SPSB4: variants seen among roughly 807,000 people sequenced by gnomAD.
The protein encoded by SPSB4 is splA/ryanodine receptor domain and SOCS box containing 4.
In SPSB4, 21 loss-of-function variants were observed where a neutral mutation model predicts 20.9. The ratio of observed to expected loss-of-function variants is 1.01; its 90% CI spans 0.71 to 1.45. The LOEUF is 1.45. Ranked by LOEUF, SPSB4 falls within the 40% of genes most tolerant of loss-of-function variation. SPSB4 has a pLI of 0.00. For missense variants in SPSB4, 399 were observed against 399.2 expected (o/e 1.00, Z 0.00); for synonymous variants, 207 against 183.8 (o/e 1.13, Z -1.02).
intron 2 of SPSB4, among the ~76,000 whole-genome samples, chr3:141,087,639 G>C (rs1037665804): frequency 1.3e-4 from 20 of 152,226 alleles, no homozygotes; most frequent in African/African-American, 4.6e-4. Context: ...AACAGCCTCG[G>C]AAGGTCAAGT....
In SPSB4 at chr3:141,132,975, G is replaced by T. The variant is rs146712387; in HGVS notation, c.695-14167G>T. 9.6e-3 allele frequency among the ~76,000 whole-genome samples: 1,452 copies of T among 151,994 alleles called. 27 individuals are homozygous for T. The highest frequency in any genetic ancestry group is 0.034 in the African/African-American group (1,393 of 41,490). On this transcript the variant is annotated intron_variant, in intron 2 of 2. Transcript: ENST00000310546. ...ACACAAACATCTGCTATTTTTTGAC[G>T]TCTGTTATTTCTTAAATTATGGCCA...
At chr3:141,055,899 G>A (rs1327392255) in intron 1 of SPSB4, among the ~76,000 whole-genome samples, 1 of 152,216 alleles carries the variant, frequency 6.6e-6, no homozygotes, top group African/African-American at 2.4e-5. Context: ...GGCTGACCAG[G>A]GGCTTCTAGT....
chr3:141,115,805 G>A (rs1488033209), intron 2 of SPSB4, among the ~76,000 whole-genome samples: 3 of 152,142 alleles, frequency 2.0e-5, no homozygotes, highest in East Asian at 1.9e-4. Context: ...CTCTTCTGGA[G>A]TATCTCATAA....
intron 2 of SPSB4, among the ~76,000 whole-genome samples, chr3:141,131,529 C>T (rs1939129934): frequency 6.6e-6 from 1 of 151,820 alleles, no homozygotes; most frequent in East Asian, 1.9e-4. Flanking sequence ...CATCACTACT[C>T]CCTTAAGGTC....
At chr3:141,082,028 G>A (rs1219150721) in intron 2 of SPSB4, among the ~76,000 whole-genome samples, 3 of 152,160 alleles carry the variant, frequency 2.0e-5, no homozygotes. Flanking sequence ...CATGAACAGT[G>A]CTGGTGGCTG....
Position 141,052,558 on chromosome 3 carries a change from G to A in SPSB4, c.-154+566G>A, listed in dbSNP as rs78598852. ...GTAATGGGGACAATAATTCCTGGGG[G>A]TCTGTTCGTCCGGGGTATTCGGAGA... On this transcript the variant is annotated intron_variant, in intron 1 of 2. Coordinates refer to ENST00000310546, the MANE Select transcript of SPSB4 (RefSeq NM_080862.3). 4.3e-3 allele frequency among the ~76,000 whole-genome samples: 652 copies of A among 152,252 alleles called. 6 individuals carry two copies. Among genetic ancestry groups the A allele is most frequent in the African/African-American group, 0.015 (608 of 41,538 alleles).
At chr3:141,124,807 A>G (rs1308346584) in intron 2 of SPSB4, among the ~76,000 whole-genome samples, 1 of 152,160 alleles carries the variant, frequency 6.6e-6, no homozygotes, top group Non-Finnish European at 1.5e-5. Flanking sequence ...TGACATGTCT[A>G]TGAGGCCACA....
chr3:141,111,641 A>G (rs1418027580), intron 2 of SPSB4, among the ~76,000 whole-genome samples: 2 of 152,154 alleles, frequency 1.3e-5, no homozygotes. Context: ...CGGGTCTCTC[A>G]GTTTCCTGAG....
At chr3:141,128,149 T>C (rs1351282816) in intron 2 of SPSB4, among the ~76,000 whole-genome samples, 2 of 151,786 alleles carry the variant, frequency 1.3e-5, no homozygotes, top group Non-Finnish European at 2.9e-5. Flanking sequence ...GGGTGGAGTG[T>C]GGTAAGTCAT....
chr3:141,097,918 G>C (rs2059667), intron 2 of SPSB4, among the ~76,000 whole-genome samples: 151,876 of 152,362 alleles, frequency 1, 75,697 homozygotes, highest in Middle Eastern at 1. Context: ...AGTCTGAGCA[G>C]TTTACATACA....
chr3:141,137,423 G>C (rs1939248534), intron 2 of SPSB4, among the ~76,000 whole-genome samples: 2 of 152,198 alleles, frequency 1.3e-5, no homozygotes, highest in Non-Finnish European at 2.9e-5. Context: ...AGTTTTCAAA[G>C]GGAATGCTTC....
rs556009410 is a variant in SPSB4 at position 141,143,106 on chromosome 3, A to G, written c.695-4036A>G. ...GCTGGGATTACAGGTCTGAGCCACC[A>G]CGCTTGGCCCCCTCTTTGTCTTTTT... On this transcript the variant is annotated intron_variant, in intron 2 of 2. Coordinates refer to ENST00000310546, the MANE Select transcript of SPSB4 (RefSeq NM_080862.3). Among the ~76,000 whole-genome samples the G allele has an allele frequency of 6.6e-5, 10 of 151,976 alleles. No individual in the cohort carries two copies. The South Asian group carries it at 1.2e-3, about 19-fold the overall frequency.
chr3:141,071,796 C>T (rs963803798), intron 2 of SPSB4, among the ~76,000 whole-genome samples: 6 of 152,186 alleles, frequency 3.9e-5, no homozygotes, highest in African/African-American at 1.2e-4. Flanking sequence ...TGCACGGAGC[C>T]GAGGAAGCTG....
intron 2 of SPSB4, among the ~76,000 whole-genome samples, chr3:141,069,415 G>A (rs1354542911): frequency 6.6e-6 from 1 of 152,230 alleles, no homozygotes; most frequent in African/African-American, 2.4e-5. Flanking sequence ...TCTGAGCAGG[G>A]AAGGTGACCC....
intron 2 of SPSB4, among the ~76,000 whole-genome samples, chr3:141,109,486 A>C (rs72983812): frequency 0.042 from 6,397 of 152,030 alleles, 453 homozygotes; most frequent in African/African-American, 0.14. Context: ...ACCCTGGGCC[A>C]GCCAGATCCA....
At chr3:141,139,756 G>T (rs1006852676) in intron 2 of SPSB4, among the ~76,000 whole-genome samples, 5 of 152,202 alleles carry the variant, frequency 3.3e-5, no homozygotes, top group Non-Finnish European at 7.3e-5. Context: ...TTTCACTCAG[G>T]CTGCCCTTAA....
intron 2 of SPSB4, among the ~76,000 whole-genome samples, chr3:141,126,681 C>T (rs1939053913): frequency 6.6e-6 from 1 of 152,216 alleles, no homozygotes; most frequent in Admixed American, 6.5e-5. Flanking sequence ...TTAATCCTTT[C>T]CGTAGGTTAC....
intron 2 of SPSB4, among the ~76,000 whole-genome samples, chr3:141,090,485 G>C (rs776912165): frequency 1.2e-4 from 18 of 152,142 alleles, no homozygotes; most frequent in Non-Finnish European, 2.6e-4. Context: ...AACTCGTGGA[G>C]AAAGTGATAT....
intron 2 of SPSB4, among the ~76,000 whole-genome samples, chr3:141,083,766 A>G (rs911020658): frequency 1.3e-5 from 2 of 152,066 alleles, no homozygotes; most frequent in African/African-American, 4.8e-5. Flanking sequence ...GTGCTGCTGG[A>G]GCACATTTGC....
Sources: gnomAD v4.1 joint callset for allele counts (sites outside exome capture counted in the v4.1 genomes callset) on GRCh38, gnomAD v4.1.1 for gene constraint, MANE v1.5 for transcripts, NCBI Gene and HGNC (gene_info 2026-07-23, HGNC 2026-07-21) for gene names.